The following SRPK2 variants were observed in gnomAD, a reference collection of about 807,000 sequenced individuals.
The protein encoded by SRPK2 is SRSF protein kinase 2, also known as SFRS protein kinase 2.
SRPK2 carries 21 observed loss-of-function variants against 90.8 expected under a neutral mutation model. The ratio of observed to expected loss-of-function variants is 0.23; its 90% CI spans 0.16 to 0.33. The LOEUF is 0.33. Ranked by LOEUF, SRPK2 falls within the 10% of genes least tolerant of loss-of-function variation. The pLI is 1.00. For missense variants in SRPK2, 620 were observed against 869.0 expected (o/e 0.71, Z 3.60); for synonymous variants, 288 against 311.1 (o/e 0.93, Z 0.78).
chr7:105,145,067 C>T, intron 9 of SRPK2, among the ~76,000 whole-genome samples: 1 of 144,994 alleles, frequency 6.9e-6, no homozygotes, highest in South Asian at 2.2e-4. Context: ...GATCGCACCA[C>T]TTGCACTCCA....
chr7:105,243,090 C>T (rs1801036328), intron 2 of SRPK2, among the ~76,000 whole-genome samples: 3 of 152,154 alleles, frequency 2.0e-5, no homozygotes, highest in African/African-American at 7.2e-5. Context: ...TAGACTCCAA[C>T]TCCTGGCCTC....
intron 2 of SRPK2, among the ~76,000 whole-genome samples, chr7:105,253,351 T>C (rs113356882): frequency 0.016 from 2,402 of 152,328 alleles, 64 homozygotes; most frequent in African/African-American, 0.053. Context: ...CTTTAGACTT[T>C]CTTTAAAAGA....
rs1436859217 is a variant in SRPK2 at position 105,373,321 on chromosome 7, T to TA, written c.71+15326dup. Among the ~76,000 whole-genome samples, 7 of 151,678 alleles carry TA rather than the reference T, an allele frequency of 4.6e-5. No homozygotes were observed. In the East Asian group the frequency reaches 1.4e-3, roughly 29 times the overall value. The stretch of plus-strand genomic sequence containing the variant: ...AATTTTTCTCAAATCTCATTCTCCT[T>TA]AGACTTCTCTCCCTCAACCGGTTTA... On this transcript the variant is annotated intron_variant, in intron 2 of 15. Coordinates refer to ENST00000393651, the MANE Select transcript of SRPK2 (RefSeq NM_182692.3).
chr7:105,352,234 T>C (rs1360990561), intron 2 of SRPK2, among the ~76,000 whole-genome samples: 2 of 152,154 alleles, frequency 1.3e-5, no homozygotes, highest in East Asian at 3.9e-4. Flanking sequence ...GAACCTGAAC[T>C]CTCCCTTGAG....
At chr7:105,347,556 G>A (rs1816613735) in intron 2 of SRPK2, among the ~76,000 whole-genome samples, 1 of 151,992 alleles carries the variant, frequency 6.6e-6, no homozygotes, top group Non-Finnish European at 1.5e-5. Context: ...GGAGGGGGAG[G>A]AGGAGGAAGA....
chr7:105,246,677 T>G (rs566207113), intron 2 of SRPK2, among the ~76,000 whole-genome samples: 7 of 152,346 alleles, frequency 4.6e-5, no homozygotes, highest in Non-Finnish European at 7.3e-5. Context: ...TCAACTTCTA[T>G]CTACTTCTTC....
chr7:105,385,198 TGAG>T (rs1821412492), intron 2 of SRPK2, among the ~76,000 whole-genome samples: 9 of 79,548 alleles, frequency 1.1e-4, no homozygotes, highest in African/African-American at 3.7e-4. Context: ...TTTTTTTTTT[TGAG>T]ATGGAGTCTC....
chr7:105,375,400 G>A (rs1402548989), intron 2 of SRPK2, among the ~76,000 whole-genome samples: 1 of 152,174 alleles, frequency 6.6e-6, no homozygotes. Context: ...AATGTAGTCA[G>A]GCCAAGCACA....
chr7:105,297,553 C>T (rs1809980051), intron 2 of SRPK2: 1 of 951,474 alleles, frequency 1.1e-6, no homozygotes, highest in Non-Finnish European at 1.3e-6. Context: ...ATAAGGCACA[C>T]CGTTTACCAT....
intron 2 of SRPK2, among the ~76,000 whole-genome samples, chr7:105,331,323 AAAAAAAAAAAAAAAC>A (rs1220381782): frequency 6.8e-5 from 9 of 131,850 alleles, no homozygotes; most frequent in African/African-American, 2.4e-4. Context: ...AAAAAAAAAA[AAAAAAAAAAAAAAAC>A]AAATAGTTAT....
At chr7:105,363,774 G>A (rs1442338600) in intron 2 of SRPK2, among the ~76,000 whole-genome samples, 1 of 152,082 alleles carries the variant, frequency 6.6e-6, no homozygotes, top group Non-Finnish European at 1.5e-5. Context: ...GCAAAGACTT[G>A]GAACCAACCC....
intron 2 of SRPK2, among the ~76,000 whole-genome samples, chr7:105,278,518 C>CAA (rs745938997): frequency 8.4e-5 from 8 of 95,262 alleles, no homozygotes; most frequent in South Asian, 3.2e-4. Context: ...AATAAAAATA[C>CAA]AAAAAAAAAA....
intron 15 of SRPK2, among the ~76,000 whole-genome samples, chr7:105,121,028 A>AT (rs1282566346): frequency 6.6e-6 from 1 of 152,156 alleles, no homozygotes; most frequent in African/African-American, 2.4e-5. Flanking sequence ...TGCTCTTACT[A>AT]TAAAAGTAGC....
chr7:105,367,785 TAAAAC>T (rs1819242152), intron 2 of SRPK2, among the ~76,000 whole-genome samples: 1 of 152,224 alleles, frequency 6.6e-6, no homozygotes, highest in Non-Finnish European at 1.5e-5. Context: ...TGGTAAATGA[TAAAAC>T]AGGCTAGCAT....
At chr7:105,167,351 C>T in intron 6 of SRPK2, 26 bp downstream of exon 6, 1 of 1,580,194 alleles carries the variant, frequency 6.3e-7, no homozygotes, top group Non-Finnish European at 8.7e-7. Context: ...GGTAAAAATA[C>T]AAATAAATCA....
chr7:105,135,228 A>G (rs1234656959), intron 11 of SRPK2, among the ~76,000 whole-genome samples: 9 of 152,354 alleles, frequency 5.9e-5, no homozygotes, highest in Middle Eastern at 3.4e-3. Flanking sequence ...TAAGACTGGC[A>G]AATGACTTAA....
intron 2 of SRPK2, among the ~76,000 whole-genome samples, chr7:105,243,129 G>A (rs904935360): frequency 2.0e-5 from 3 of 152,172 alleles, no homozygotes; most frequent in Admixed American, 2.0e-4. Context: ...AGCCTCCAGA[G>A]TAGCTGGGAC....
At chr7:105,388,568 G>A (rs1821933294) in intron 2 of SRPK2, 80 bp downstream of exon 2, 11 of 1,355,370 alleles carry the variant, frequency 8.1e-6, no homozygotes, top group African/African-American at 4.5e-5. Context: ...CGGGGACCCG[G>A]ACAACTTTCC....
chr7:105,270,857 T>G (rs1805743545), intron 2 of SRPK2, among the ~76,000 whole-genome samples: 1 of 152,188 alleles, frequency 6.6e-6, no homozygotes, highest in African/African-American at 2.4e-5. Flanking sequence ...GAAAATAAAG[T>G]AGTATTGTGC....
Sources: gnomAD v4.1 joint callset for allele counts (sites outside exome capture counted in the v4.1 genomes callset) on GRCh38, gnomAD v4.1.1 for gene constraint, MANE v1.5 for transcripts, NCBI Gene and HGNC (gene_info 2026-07-23, HGNC 2026-07-21) for gene names.